TSC22D1: variants seen among roughly 807,000 people sequenced by gnomAD.
The protein encoded by TSC22D1 is TSC22 domain family protein 1.
In TSC22D1, 9 loss-of-function variants were observed where a neutral mutation model predicts 74.2. The ratio of observed to expected loss-of-function variants is 0.12; its 90% confidence interval spans 0.07 to 0.21. The LOEUF (loss-of-function observed/expected upper bound fraction) is 0.21. Ranked by LOEUF, TSC22D1 falls within the 10% of genes least tolerant of loss-of-function variation. The pLI, the probability that TSC22D1 is intolerant of heterozygous loss-of-function variation, is 1.00. For synonymous variants in TSC22D1, 586 were observed against 492.5 expected (o/e 1.19, Z -2.51); for missense variants, 1,427 against 1,304.7 (o/e 1.09, Z -1.44).
intron 1 of TSC22D1, among the ~76,000 whole-genome samples, chr13:44,533,536 C>A (rs1203269860): frequency 1.3e-5 from 2 of 149,950 alleles, no homozygotes; most frequent in Admixed American, 6.6e-5. Context: ...CCTTTCCCAG[C>A]ACTCTGGGAG....
intron 1 of TSC22D1, among the ~76,000 whole-genome samples, chr13:44,527,572 T>C (rs1012876739): frequency 6.6e-6 from 1 of 152,094 alleles, no homozygotes; most frequent in African/African-American, 2.4e-5. Flanking sequence ...TTATTTAAAA[T>C]GTTCAACTAA....
At chr13:44,436,354 A>T (rs1874624239) in intron 1 of TSC22D1, 1 of 1,163,836 alleles carries the variant, frequency 8.6e-7, no homozygotes, top group Admixed American at 2.3e-5. Flanking sequence ...GACTTGCAAA[A>T]ATAAGGTTTT....
At position 44,442,899 on chromosome 13, in the gene TSC22D1, A is replaced by G. The variant is rs376747278; in HGVS notation, c.2913-6804T>C. On this transcript the variant is annotated intron_variant, in intron 1 of 2. Transcript: ENST00000458659. ...ACTCCAGCCTGGGCCACAGAGCCAC[A>G]GAGCGAGACTCTGTCAAAAAAAAAA... Among the ~76,000 whole-genome samples, 10 of 139,932 alleles carry G rather than the reference A, an allele frequency of 7.1e-5. No individual in the cohort carries two copies. The East Asian group carries it at 8.5e-4, about 12-fold the overall frequency. 91.8% of individuals were successfully genotyped at this position (139,932 alleles called of 152,430 possible). A position where few individuals can be genotyped will look rare whatever the true frequency, so the allele number is the denominator to read the frequency against.
At chr13:44,506,202 A>G (rs781332828) in intron 1 of TSC22D1, among the ~76,000 whole-genome samples, 1 of 152,232 alleles carries the variant, frequency 6.6e-6, no homozygotes, top group Non-Finnish European at 1.5e-5. Flanking sequence ...ATTACATTCC[A>G]TCAAGTAGAA....
rs1878819327 is a variant in TSC22D1, at chr13:44,493,520, T to C, written c.2913-57425A>G. ...CTGTTAAGGCACACAAAAGATATGC[T>C]GCAGCCTGGGAAGAAAGATTCTTTG... On this transcript the variant is annotated intron_variant, in intron 1 of 2. Coordinates refer to ENST00000458659, the MANE Select transcript of TSC22D1 (RefSeq NM_183422.4). Among the ~76,000 whole-genome samples, 2 of 152,226 alleles carry C rather than the reference T, an allele frequency of 1.3e-5. 1 individual carries two copies. Among genetic ancestry groups the C allele is most frequent in the South Asian group, 4.1e-4 (2 of 4,828 alleles).
intron 1 of TSC22D1, among the ~76,000 whole-genome samples, chr13:44,517,829 G>GTGTGTATATATATATATATATA (rs1271183064): frequency 7.1e-5 from 1 of 14,134 alleles, no homozygotes; most frequent in Non-Finnish European, 1.5e-4. Context: ...GTGTGTGTGT[G>GTGTGTATATATATATATATATA]TATATATATA....
intron 1 of TSC22D1, among the ~76,000 whole-genome samples, chr13:44,484,081 CAT>C (rs1162610589): frequency 1.3e-5 from 2 of 152,172 alleles, no homozygotes; most frequent in African/African-American, 2.4e-5. Flanking sequence ...ATTACTTAAA[CAT>C]AGATTAAAAA....
chr13:44,551,731 G>A (rs1410885460), intron 1 of TSC22D1, among the ~76,000 whole-genome samples: 1 of 151,752 alleles, frequency 6.6e-6, no homozygotes, highest in African/African-American at 2.4e-5. Context: ...GCCATCAGCT[G>A]GTATTTTAAA....
At chr13:44,436,004 T>G (rs1874579707) in intron 2 of TSC22D1, 40 bp downstream of exon 2, 1 of 1,584,850 alleles carries the variant, frequency 6.3e-7, no homozygotes, top group Non-Finnish European at 8.7e-7. Flanking sequence ...TTTTGTGCTG[T>G]GCCCACATTT....
chr13:44,531,136 A>G (rs1410034662), intron 1 of TSC22D1, among the ~76,000 whole-genome samples: 3 of 152,210 alleles, frequency 2.0e-5, no homozygotes, highest in Non-Finnish European at 4.4e-5. Context: ...TTAATAATTG[A>G]TCAATACTGG....
intron 1 of TSC22D1, 182 bp from the exon 2 acceptor site, chr13:44,436,277 T>C: frequency 1.1e-6 from 1 of 871,992 alleles, no homozygotes; most frequent in African/African-American, 1.7e-5. Flanking sequence ...TATCCAGGCA[T>C]CTCCCTATTT....
chr13:44,436,484 C>T lies in TSC22D1; in HGVS notation c.2913-389G>A, dbSNP rs201939050. On this transcript the variant is annotated intron_variant, in intron 1 of 2. Transcript: ENST00000458659. ...TATCCCACGAATAAATTTAAAGAAA[C>T]TATCTTAGCCGACATTTACCTATTA... 1.7e-3 allele frequency: 2,793 copies of T among 1,609,140 alleles called. 1 individual carries two copies. Among genetic ancestry groups the T allele is most frequent in the Non-Finnish European group, 2.2e-3 (2,559 of 1,178,544 alleles).
chr13:44,509,426 G>A (rs1363458457), intron 1 of TSC22D1, among the ~76,000 whole-genome samples: 1 of 152,196 alleles, frequency 6.6e-6, no homozygotes, highest in Non-Finnish European at 1.5e-5. Context: ...ATCACTTGAG[G>A]TCAGGAGTTT....
At chr13:44,484,687 C>T (rs1160667832) in intron 1 of TSC22D1, among the ~76,000 whole-genome samples, 1 of 152,160 alleles carries the variant, frequency 6.6e-6, no homozygotes, top group Non-Finnish European at 1.5e-5. Flanking sequence ...GTATAGGCCA[C>T]ACCACAGAAT....
In TSC22D1 at chr13:44,573,563, A is replaced by C; in HGVS notation, c.2512T>G (p.Ser838Ala). The C allele has an allele frequency of 6.2e-7, 1 of 1,614,232 alleles. No individual in the cohort carries two copies. The highest frequency in any genetic ancestry group is 1.3e-5 in the African/African-American group (1 of 75,058). ...GAAGGCATTCCAGAAGGACCAGTTG[A>C]ACTAACCTGACTTGTAACAGAAATA... The part of the protein sequence containing the change: ...SSISVTSQVS[S>A]TGPSGMPSAP... Residue 838 changes from serine to alanine, a missense_variant, in exon 1 of 3, where the codon TCA becomes GCA. Coordinates refer to ENST00000458659, the MANE Select transcript of TSC22D1 (RefSeq NM_183422.4).
intron 1 of TSC22D1, chr13:44,436,332 G>A: frequency 2.0e-6 from 2 of 1,002,608 alleles, no homozygotes; most frequent in East Asian, 2.4e-5. Flanking sequence ...GGGAAAGCCT[G>A]TTCTCTGGCC....
intron 1 of TSC22D1, among the ~76,000 whole-genome samples, chr13:44,556,204 G>GA: frequency 6.7e-6 from 1 of 150,284 alleles, no homozygotes; most frequent in South Asian, 2.1e-4. Flanking sequence ...TAATGGAAAC[G>GA]AAAAAAACAG....
intron 1 of TSC22D1, among the ~76,000 whole-genome samples, chr13:44,517,778 CACAT>C (rs1269821809): frequency 3.5e-5 from 4 of 113,794 alleles, no homozygotes; most frequent in African/African-American, 1.0e-4. Flanking sequence ...TATATATATA[CACAT>C]ATATATACAT....
At chr13:44,448,208 A>G (rs995882946) in intron 1 of TSC22D1, among the ~76,000 whole-genome samples, 1 of 152,162 alleles carries the variant, frequency 6.6e-6, no homozygotes, top group Non-Finnish European at 1.5e-5. Flanking sequence ...TGAAAAATGA[A>G]TATTATTTCT....
Sources: gnomAD v4.1 joint callset for allele counts (sites outside exome capture counted in the v4.1 genomes callset) on GRCh38, gnomAD v4.1.1 for gene constraint, MANE v1.5 for transcripts, NCBI Gene and HGNC (gene_info 2026-07-23, HGNC 2026-07-21) for gene names.